Variants in C5orf58 observed in about 807,000 individuals in gnomAD.
The protein encoded by C5orf58 is chromosome 5 open reading frame 58, also known as putative uncharacterized protein C5orf58.
A neutral mutation model predicts 2.9 loss-of-function variants in C5orf58; 2 were observed. The observed-to-expected ratio is 0.69, with a 90% CI of 0.28 to 2.18. The LOEUF is 2.18. C5orf58 is among the 30% of genes most tolerant of loss of function. C5orf58 has a pLI of 0.13. For synonymous variants in C5orf58, 37 were observed against 33.4 expected, an observed-to-expected ratio of 1.11 and a Z score of -0.37; for missense variants, 96 against 91.7, an observed-to-expected ratio of 1.05 and a Z score of -0.19.
chr5:170,245,929 A>G lies in C5orf58; in HGVS notation c.95-33A>G, dbSNP rs370204603. The G allele has an allele frequency of 1.7e-5, 27 of 1,588,210 alleles. No individual in the cohort carries two copies. The African/African-American group carries it at 2.7e-4, about 16-fold the overall frequency. On this transcript the variant is annotated intron_variant, in intron 3 of 3. Coordinates refer to ENST00000593851, the MANE Select transcript of C5orf58 (RefSeq NM_001102609.3). ...AATAGTTTTTTATGACATATGTGCTACAATATAATATCTCCTGTTTTGTTT... is the reference window on the plus strand; with the variant it reads ...AATAGTTTTTTATGACATATGTGCTGCAATATAATATCTCCTGTTTTGTTT...
chr5:170,248,453 C>T, downstream of C5orf58: 1 of 373,172 alleles, frequency 2.7e-6, no homozygotes. Context: ...TATTACAGTG[C>T]ACTACTAGAC....
chr5:170,236,654 C>T (rs1005583074), intron 3 of C5orf58, among the ~76,000 whole-genome samples: 4 of 152,160 alleles, frequency 2.6e-5, no homozygotes, highest in African/African-American at 7.2e-5. Context: ...GTTCTTACTG[C>T]ATGTTCTATG....
chr5:170,248,883 GT>G, downstream of C5orf58: 2 of 1,546,754 alleles, frequency 1.3e-6, no homozygotes, highest in Non-Finnish European at 8.9e-7. Context: ...TTCACTTTCA[GT>G]TTTTTTATCT....
At chr5:170,249,996 A>G (rs1485852160), downstream of C5orf58, among the ~76,000 whole-genome samples, 1 of 152,124 alleles carries the variant, frequency 6.6e-6, no homozygotes, top group Admixed American at 6.5e-5. Context: ...GATCACAAGC[A>G]TGCATTTTTT....
chr5:170,241,229 T>G (rs1346419392), intron 3 of C5orf58, among the ~76,000 whole-genome samples: 2 of 152,182 alleles, frequency 1.3e-5, no homozygotes, highest in African/African-American at 4.8e-5. Flanking sequence ...AGCTTTGTTC[T>G]TTTGGCTTAG....
rs370185787 is a variant in C5orf58 at position 170,234,207 on chromosome 5, G to C, written c.-1+9G>C. 3.6e-5 allele frequency: 49 copies of C among 1,364,632 alleles called. No individual in the cohort carries two copies. The highest frequency in any genetic ancestry group is 9.5e-5 in the Admixed American group (5 of 52,532). The allele number at this position is 1,364,632 out of a possible 1,614,324, so 84.5% of individuals were successfully genotyped here. On this transcript the variant is annotated intron_variant, in intron 2 of 3. Coordinates refer to ENST00000593851, the MANE Select transcript of C5orf58 (RefSeq NM_001102609.3). ...CAAGGATTGACTTAAAGGTTAGTTT[G>C]TTTTCATTATTTTGGACAAGCAGCT...
intron 3 of C5orf58, among the ~76,000 whole-genome samples, chr5:170,245,677 C>T (rs1286890283): frequency 6.6e-6 from 1 of 152,226 alleles, no homozygotes; most frequent in African/African-American, 2.4e-5. Context: ...CTGTCTGGCA[C>T]TCCCTAGTGA....
chr5:170,252,502 T>A (rs760457784), downstream of C5orf58: 8 of 1,546,220 alleles, frequency 5.2e-6, no homozygotes, highest in Non-Finnish European at 7.1e-6. Flanking sequence ...CACTCTTCAT[T>A]TAATGAATTC....
Position 170,245,961 on chromosome 5 carries a change from G to A in C5orf58, c.95-1G>A, listed in dbSNP as rs1761264639. The A allele has an allele frequency of 6.2e-7, 1 of 1,612,490 alleles. No individual in the cohort carries two copies. Among genetic ancestry groups the A allele is most frequent in the African/African-American group, 1.3e-5 (1 of 74,952 alleles). ...AATATCTCCTGTTTTGTTTTGCACAGAGCTCTCCCAGTTATTGCTTTGTGA... is the reference window on the plus strand; with the variant it reads ...AATATCTCCTGTTTTGTTTTGCACAAAGCTCTCCCAGTTATTGCTTTGTGA... On this transcript the variant is annotated splice_acceptor_variant, in intron 3 of 3. Transcript: ENST00000593851. LOFTEE classifies it high-confidence loss of function.
chr5:170,252,476 A>C (rs1379216297), downstream of C5orf58: 4 of 1,586,588 alleles, frequency 2.5e-6, no homozygotes, highest in Admixed American at 5.1e-5. Context: ...CTGGTCGGGT[A>C]ATATAAGAAA....
intron 3 of C5orf58, among the ~76,000 whole-genome samples, chr5:170,237,877 A>C (rs10067868): frequency 0.59 from 90,030 of 151,922 alleles, 27,255 homozygotes; most frequent in African/African-American, 0.72. Context: ...GTTTACTTAC[A>C]AAATTACAAG....
In C5orf58 at chr5:170,245,770, T is replaced by A. The variant is rs1210994290; in HGVS notation, c.95-192T>A. On this transcript the variant is annotated intron_variant, in intron 3 of 3. Transcript: ENST00000593851. ...CGCTGGGAGCTGTAGACCGGAGCTG[T>A]TCCTATTCAGCCATCTTGGCTCCTC... Among the ~76,000 whole-genome samples, 7 of 152,356 alleles carry A rather than the reference T, an allele frequency of 4.6e-5. No homozygotes were observed. In the South Asian group the frequency reaches 8.3e-4, roughly 18 times the overall value.
At chr5:170,251,833 G>T in exon 3 of C5orf58, 12 of 328,646 alleles carry the variant, frequency 3.7e-5, no homozygotes, top group South Asian at 2.8e-4. Context: ...AGTTCTCCGG[G>T]TGATCTAAAT....
At chr5:170,250,983 T>G, downstream of C5orf58, 2 of 928,332 alleles carry the variant, frequency 2.2e-6, no homozygotes, top group Non-Finnish European at 3.3e-6. Flanking sequence ...CTGACAAACA[T>G]GTCAGTTGCA....
downstream of C5orf58, among the ~76,000 whole-genome samples, chr5:170,249,510 T>C (rs1379575845): frequency 2.6e-5 from 4 of 152,044 alleles, no homozygotes; most frequent in African/African-American, 7.3e-5. Flanking sequence ...GTTTTGGTTT[T>C]GGTTTCTGCA....
At chr5:170,249,362 G>GTATATATATATATATA (rs72371153), downstream of C5orf58, among the ~76,000 whole-genome samples, 27 of 108,128 alleles carry the variant, frequency 2.5e-4, no homozygotes, top group African/African-American at 7.4e-4. Context: ...GCATGCGTGT[G>GTATATATATATATATA]TATATATATA....
downstream of C5orf58, among the ~76,000 whole-genome samples, chr5:170,249,217 TG>T (rs557538101): frequency 4.1e-4 from 62 of 151,808 alleles, no homozygotes; most frequent in African/African-American, 1.2e-3. Context: ...CCCAGCTGCT[TG>T]GGAGGCTGAG....
chr5:170,250,881 C>T, downstream of C5orf58: 1 of 1,612,768 alleles, frequency 6.2e-7, no homozygotes, highest in Non-Finnish European at 8.5e-7. Flanking sequence ...CAGAAATGTG[C>T]CATCCTAAAA....
At chr5:170,236,957 C>T (rs1760768331) in intron 3 of C5orf58, among the ~76,000 whole-genome samples, 1 of 152,176 alleles carries the variant, frequency 6.6e-6, no homozygotes, top group African/African-American at 2.4e-5. Flanking sequence ...AACACGGTGC[C>T]TTGATTGATT....
Sources: allele counts gnomAD v4.1 joint callset (sites outside exome capture counted in the v4.1 genomes callset), GRCh38; gene constraint gnomAD v4.1.1; transcripts MANE v1.5; gene names NCBI Gene and HGNC (gene_info 2026-07-23, HGNC 2026-07-21).